Variants in NELL2 observed in about 807,000 individuals in gnomAD.
NELL2 encodes the protein protein kinase C-binding protein NELL2.
Under a neutral mutation model 109.6 loss-of-function variants are expected in NELL2, and 41 were observed. That is an observed-to-expected ratio of 0.37 (90% CI 0.29 to 0.49). NELL2 has a LOEUF of 0.49. Ranked by LOEUF, NELL2 falls within the 20% of genes least tolerant of loss-of-function variation. NELL2 has a pLI of 0.98. For missense variants in NELL2, 900 were observed against 1,008.3 expected (o/e 0.89, Z 1.45); for synonymous variants, 355 against 344.7 (o/e 1.03, Z -0.33).
chr12:44,681,466 T>A (rs1948501970), intron 12 of NELL2, among the ~76,000 whole-genome samples: 1 of 151,860 alleles, frequency 6.6e-6, no homozygotes. Context: ...GTGCACAATG[T>A]GCAGGTTAGT....
chr12:44,915,275 T>C (rs1279316392), upstream of NELL2, among the ~76,000 whole-genome samples: 1 of 152,200 alleles, frequency 6.6e-6, no homozygotes, highest in Non-Finnish European at 1.5e-5. Flanking sequence ...AATTTCAAAT[T>C]AGCAAAATTT....
chr12:44,833,329 T>C (rs1943944681), intron 2 of NELL2, among the ~76,000 whole-genome samples: 3 of 152,202 alleles, frequency 2.0e-5, no homozygotes, highest in South Asian at 2.1e-4. Context: ...ATATCCCATC[T>C]TCTTGACAGT....
chr12:44,890,498 GTA>G (rs1294880732), intron 1 of NELL2, among the ~76,000 whole-genome samples: 1 of 152,090 alleles, frequency 6.6e-6, no homozygotes, highest in Non-Finnish European at 1.5e-5. Context: ...TATTCAAGAG[GTA>G]TTTGTGGAGG....
rs565329627 is a variant in NELL2 at position 44,680,027 on chromosome 12, C to T, written c.1319-14418G>A. Among the ~76,000 whole-genome samples the T allele has an allele frequency of 1.1e-4, 17 of 152,188 alleles. No homozygotes were observed. The South Asian group carries it at 3.5e-3, about 32-fold the overall frequency. On this transcript the variant is annotated intron_variant, in intron 12 of 19. Transcript: ENST00000429094. Reference sequence around the variant, plus strand: ...TGTCATGCTGGATTTGAAAATTCATCAAGTTGAATAGCAGCATTCTTTCCA... The same window carrying T: ...TGTCATGCTGGATTTGAAAATTCATTAAGTTGAATAGCAGCATTCTTTCCA...
At chr12:44,698,468 G>A (rs1309766077) in intron 12 of NELL2, among the ~76,000 whole-genome samples, 4 of 152,154 alleles carry the variant, frequency 2.6e-5, no homozygotes, top group Admixed American at 6.5e-5. Context: ...AATAAATGAT[G>A]TTTTATGAAT....
chr12:44,531,066 G>A (rs1369271377), intron 16 of NELL2, among the ~76,000 whole-genome samples: 1 of 152,102 alleles, frequency 6.6e-6, no homozygotes, highest in Admixed American at 6.5e-5. Context: ...AGTCAACAGA[G>A]GTATGTGTAT....
chr12:44,834,562 C>T (rs1420042948), intron 2 of NELL2, among the ~76,000 whole-genome samples: 2 of 152,040 alleles, frequency 1.3e-5, no homozygotes, highest in Non-Finnish European at 2.9e-5. Context: ...CCCAGTGCTG[C>T]CCCTCCTGGA....
At chr12:44,680,726 G>A (rs1300554828) in intron 12 of NELL2, among the ~76,000 whole-genome samples, 1 of 152,112 alleles carries the variant, frequency 6.6e-6, no homozygotes, top group Non-Finnish European at 1.5e-5. Context: ...AAGAAGCCAG[G>A]TCTTTCTCCA....
At chr12:44,861,340 C>T (rs1944837038) in intron 2 of NELL2, among the ~76,000 whole-genome samples, 2 of 152,148 alleles carry the variant, frequency 1.3e-5, no homozygotes, top group South Asian at 4.1e-4. Context: ...AGGCTGGTAC[C>T]CACAGATTGA....
chr12:44,710,237 G>T (rs1384225003), intron 11 of NELL2, among the ~76,000 whole-genome samples: 2 of 152,054 alleles, frequency 1.3e-5, no homozygotes, highest in Non-Finnish European at 2.9e-5. Context: ...AAACAAAACA[G>T]TGTATGTTTC....
intron 16 of NELL2, 191 bp downstream of exon 16, chr12:44,532,386 TTTAA>T (rs1323785944): frequency 1.4e-5 from 6 of 429,608 alleles, no homozygotes; most frequent in Admixed American, 4.5e-5. Flanking sequence ...TGTCACAAAC[TTTAA>T]TTATCTAAAA....
chr12:44,743,516 A>AAG lies in NELL2; in HGVS notation c.995-28776_995-28775insCT, dbSNP rs1184625926. 3.6e-3 allele frequency among the ~76,000 whole-genome samples: 9 copies of AAG among 2,518 alleles called. No homozygotes were observed. The East Asian group carries it at 0.055, about 15-fold the overall frequency. The allele number at this position is 2,518 out of a possible 152,430, so 1.7% of individuals were successfully genotyped here. On this transcript the variant is annotated intron_variant, in intron 9 of 19. Transcript: ENST00000429094. ...AAAGACACAGACTAGCAAATTGGAT[A>AAG]GAGTCAAGACCCATCAGTGTGCTGT...
chr12:44,525,106 C>T (rs1941707651), intron 16 of NELL2, among the ~76,000 whole-genome samples: 1 of 152,202 alleles, frequency 6.6e-6, no homozygotes, highest in Admixed American at 6.5e-5. Context: ...ATCCTTACTA[C>T]ATAGCCTTTT....
At chr12:44,778,506 A>G (rs917685097) in intron 5 of NELL2, among the ~76,000 whole-genome samples, 3 of 152,186 alleles carry the variant, frequency 2.0e-5, no homozygotes, top group Non-Finnish European at 4.4e-5. Flanking sequence ...AATGACCCCC[A>G]GAGTTGTACA....
chr12:44,709,322 G>A (rs989698748), intron 11 of NELL2, among the ~76,000 whole-genome samples: 1 of 152,146 alleles, frequency 6.6e-6, no homozygotes, highest in Non-Finnish European at 1.5e-5. Context: ...TAAGAAGTCT[G>A]ATGATTACCC....
intron 16 of NELL2, among the ~76,000 whole-genome samples, chr12:44,527,664 C>A (rs1260679174): frequency 2.0e-5 from 3 of 152,192 alleles, no homozygotes; most frequent in Non-Finnish European, 2.9e-5. Flanking sequence ...CTGAGATAAT[C>A]ATACTCTTAA....
intron 3 of NELL2, among the ~76,000 whole-genome samples, chr12:44,789,238 C>T (rs1000250398): frequency 2.0e-5 from 3 of 152,146 alleles, no homozygotes; most frequent in African/African-American, 4.8e-5. Flanking sequence ...ACTGCCACCT[C>T]CACCAGAATA....
At chr12:44,594,393 A>T (rs919238488) in intron 15 of NELL2, among the ~76,000 whole-genome samples, 1 of 152,152 alleles carries the variant, frequency 6.6e-6, no homozygotes, top group African/African-American at 2.4e-5. Context: ...TACCTACCAC[A>T]TAAAATTGTT....
intron 15 of NELL2, among the ~76,000 whole-genome samples, chr12:44,597,193 T>C (rs1178541598): frequency 1.3e-5 from 2 of 152,194 alleles, no homozygotes; most frequent in Non-Finnish European, 2.9e-5. Context: ...AAGATTAATC[T>C]AATCCCAAAT....
Sources: gnomAD v4.1 joint callset for allele counts (sites outside exome capture counted in the v4.1 genomes callset) on GRCh38, gnomAD v4.1.1 for gene constraint, MANE v1.5 for transcripts, NCBI Gene and HGNC (gene_info 2026-07-23, HGNC 2026-07-21) for gene names.